Variants in SLC4A9 observed in about 807,000 individuals in gnomAD.
The protein encoded by SLC4A9 is anion exchange protein 4.
Under a neutral mutation model 103.2 loss-of-function variants are expected in SLC4A9, and 102 were observed. The observed-to-expected ratio is 0.99, with a 90% CI of 0.84 to 1.17. SLC4A9 has a LOEUF of 1.17. SLC4A9 is among the 50% of genes most tolerant of loss of function. The pLI is 0.00. For synonymous variants in SLC4A9, 453 were observed against 483.6 expected (o/e 0.94, Z 0.83); for missense variants, 1,091 against 1,193.7 (o/e 0.91, Z 1.27).
chr5:140,360,544 CT>C, intron 1 of SLC4A9, 78 bp downstream of exon 1: 1 of 1,340,230 alleles, frequency 7.5e-7, no homozygotes, highest in Non-Finnish European at 1.0e-6. Flanking sequence ...CCCAGCGCTT[CT>C]TATGGGGCTG....
chr5:140,368,728 G>C (rs1398164930), intron 17 of SLC4A9, 69 bp downstream of exon 17: 1 of 1,344,090 alleles, frequency 7.4e-7, no homozygotes, highest in Admixed American at 1.9e-5. Context: ...AGAACTGACA[G>C]TAGTTGAATA....
chr5:140,365,088 G>A (rs1318478045), intron 11 of SLC4A9, among the ~76,000 whole-genome samples: 1 of 152,196 alleles, frequency 6.6e-6, no homozygotes, highest in African/African-American at 2.4e-5. Context: ...GGTGAGAGTG[G>A]CCGGCCAGGT....
chr5:140,366,122 G>A (rs1767848350), intron 13 of SLC4A9, 29 bp from the exon 14 acceptor site: 12 of 1,610,384 alleles, frequency 7.5e-6, no homozygotes, highest in Non-Finnish European at 9.3e-6. Flanking sequence ...GGCAGGCCTG[G>A]ACCTGACTGA....
rs1446173667 is a variant in SLC4A9, at chr5:140,364,372, C to A, written c.1398C>A (p.Ser466Arg). 6.2e-7 allele frequency: 1 copy of A among 1,612,756 alleles called. No homozygotes were observed. The highest frequency in any genetic ancestry group is 1.3e-5 in the African/African-American group (1 of 75,006). Residue 466 changes from serine (S) to arginine (R), a missense_variant, in exon 11 of 22, where the codon AGC (serine) becomes AGA (arginine). Ser to Arg is a moderately radical substitution (Grantham distance 110). Transcript: ENST00000506757. ...RLLFSFSRDY[S>R]LDYLPFRLWV... ...TCTCTCATCCCCACAGAGATTACAG[C>A]CTGGACTACCTGCCCTTCCGCCTAT...
At position 140,361,287 on chromosome 5, in the gene SLC4A9, A is replaced by C; in HGVS notation, c.425A>C (p.Glu142Ala). The C allele has an allele frequency of 6.4e-7, 1 of 1,571,772 alleles. No homozygotes were observed. Among genetic ancestry groups the C allele is most frequent in the Non-Finnish European group, 8.6e-7 (1 of 1,158,368 alleles). ...ACCAGGGTGGAGTCGCTGAGCCCAG[A>C]GCTGAGAGGGCAGTTGCAGGCCTTG... ...QVTRVESLSP[E>A]LRGQLQALLL... The change falls in exon 3 of 22, where the codon GAG (glutamate) becomes GCG (alanine). Residue 142 changes from glutamate (E) to alanine (A), a missense_variant. Glu to Ala is a moderately radical substitution (Grantham distance 107, BLOSUM62 -1). Transcript: ENST00000506757.
chr5:140,364,525 C>G lies in SLC4A9; in HGVS notation c.1551C>G (p.Tyr517Ter), dbSNP rs371990487. 1.9e-6 allele frequency: 3 copies of G among 1,610,536 alleles called. No individual in the cohort carries two copies. The South Asian group carries it at 3.3e-5, about 18-fold the overall frequency. The change falls in exon 11 of 22, where the codon TAC becomes TAG. Residue 517 changes from tyrosine (Y) to a stop codon, truncating the protein, a stop_gained. Transcript: ENST00000506757. LOFTEE classifies it high-confidence loss of function. Reference protein sequence around the residue: ...FCALISLIFIYDAVGKMLNLT... With the variant: ...FCALISLIFI ...CCCTCATCAGCCTCATCTTCATCTA[C>G]GATGCTGTGGGCAAAATGCTGAACT...
At chr5:140,369,805 C>T (rs1236685646) in intron 17 of SLC4A9, among the ~76,000 whole-genome samples, 2 of 151,744 alleles carry the variant, frequency 1.3e-5, no homozygotes, top group African/African-American at 4.8e-5. Flanking sequence ...AGTTTGAGAC[C>T]AGCCTGTGCA....
chr5:140,363,756 C>T lies in SLC4A9; in HGVS notation c.1108C>T (p.Arg370Cys), dbSNP rs370567197. ...RLFGGLIQDV[R>C]RKVPWYPSDF... ...GTTTGGGGGCCTTATCCAGGACGTG[C>T]GCAGGAAGGTCCCGTGGTACCCCAG... The change falls in exon 9 of 22, where the codon CGC (arginine) becomes TGC (cysteine). Residue 370 changes from arginine (R) to cysteine (C), a missense_variant. Arg to Cys is a radical substitution (Grantham distance 180). Coordinates refer to ENST00000506757, the MANE Select transcript of SLC4A9 (RefSeq NM_031467.3). This position sits in a 1 kb window ranked among gnomAD's most constrained non-coding sequence, Gnocchi z 4.5. The T allele has an allele frequency of 3.0e-5, 48 of 1,613,778 alleles. No homozygotes were observed. In the African/African-American group the frequency reaches 4.9e-4, roughly 17 times the overall value.
intron 20 of SLC4A9, 139 bp downstream of exon 20, chr5:140,372,536 C>T: frequency 6.8e-7 from 1 of 1,470,402 alleles, no homozygotes. Context: ...TGTGTATGGA[C>T]ATAGGCAGAC....
rs1248001701 is a variant in SLC4A9 at position 140,375,052 on chromosome 5, T to G, written c.*271T>G. 1 of 152,144 alleles carries G rather than the reference T, an allele frequency of 6.6e-6. No homozygotes were observed. Among genetic ancestry groups the G allele is most frequent in the Non-Finnish European group, 1.5e-5 (1 of 68,048 alleles). The allele number at this position is 152,144 out of a possible 1,614,324, so 9.4% of individuals were successfully genotyped here. A position where few individuals can be genotyped will look rare whatever the true frequency, so the allele number is the denominator to read the frequency against. On this transcript the variant is annotated 3_prime_UTR_variant, in exon 22 of 22. Coordinates refer to ENST00000506757, the MANE Select transcript of SLC4A9 (RefSeq NM_031467.3). ...ACTTTCTGTCCTCACAGATTCTGTTTGACAGAATCTAAGGGCCATCAGGGA... is the reference window on the plus strand; with the variant it reads ...ACTTTCTGTCCTCACAGATTCTGTTGGACAGAATCTAAGGGCCATCAGGGA...
intron 21 of SLC4A9, 104 bp downstream of exon 21, chr5:140,372,947 A>C (rs1321234895): frequency 1.9e-5 from 12 of 631,642 alleles, no homozygotes; most frequent in Non-Finnish European, 2.9e-5. Context: ...TCCTTACTCC[A>C]GTCCCTTAGG....
At position 140,364,052 on chromosome 5, in the gene SLC4A9, A is replaced by G; in HGVS notation, c.1255-2A>G. 6.5e-7 allele frequency: 1 copy of G among 1,533,556 alleles called. No homozygotes were observed. The highest frequency in any genetic ancestry group is 2.2e-5 in the Admixed American group (1 of 46,208). 95.0% of individuals were successfully genotyped at this position (1,533,556 alleles called of 1,614,324 possible). On this transcript the variant is annotated splice_acceptor_variant, in intron 9 of 21. Coordinates refer to ENST00000506757, the MANE Select transcript of SLC4A9 (RefSeq NM_031467.3). LOFTEE classifies it high-confidence loss of function. ...CTGTGCTGAGCCCCTGTTGGCTTCC[A>G]GGGAGTGCTGGAAAGTTTCCTGGGC...
intron 17 of SLC4A9, among the ~76,000 whole-genome samples, chr5:140,370,478 CAAAAACAA>C (rs1768547698): frequency 6.8e-6 from 1 of 146,978 alleles, no homozygotes; most frequent in Non-Finnish European, 1.5e-5. Context: ...AAAAAAAAAA[CAAAAACAA>C]AAAAACAAAT....
In SLC4A9 at chr5:140,371,698, C is replaced by T. The variant is rs1768753400; in HGVS notation, c.2670+74C>T. 2.0e-6 allele frequency: 3 copies of T among 1,523,720 alleles called. No individual in the cohort carries two copies. The South Asian group carries it at 3.5e-5, about 18-fold the overall frequency. The allele number at this position is 1,523,720 out of a possible 1,614,324, so 94.4% of individuals were successfully genotyped here. On this transcript the variant is annotated intron_variant, in intron 19 of 21. Transcript: ENST00000506757. ...CTGAGCCTGGAAGGGTGGCCAAGGC[C>T]TCCACGAGAGGAAGAATCTCCCCTC...
chr5:140,371,088 C>G lies in SLC4A9; in HGVS notation c.2428-7C>G. Reference sequence around the variant, plus strand: ...AACTTTGATAACTCTCTGCTTCTTTCTACCAGTTCATTCCAATGCCTGTGC... The same window carrying G: ...AACTTTGATAACTCTCTGCTTCTTTGTACCAGTTCATTCCAATGCCTGTGC... On this transcript the variant is annotated splice_region_variant and splice_polypyrimidine_tract_variant and intron_variant, in intron 17 of 21. Coordinates refer to ENST00000506757, the MANE Select transcript of SLC4A9 (RefSeq NM_031467.3). 2.5e-6 allele frequency: 4 copies of G among 1,608,788 alleles called. No individual in the cohort carries two copies. Among genetic ancestry groups the G allele is most frequent in the Non-Finnish European group, 3.4e-6 (4 of 1,177,538 alleles).
In SLC4A9 at chr5:140,363,040, CA is replaced by C; in HGVS notation, c.939del (p.Lys313AsnfsTer25). ...WDPTARIPPP[K>X]CLPSQHKRLP... is the part of the protein sequence containing the mutation. The stretch of plus-strand genomic sequence containing the variant: ...ACCCAACAGCCCGGATTCCCCCGCC[CA>C]AATGTCTGCCATCTCAGCACAAAAG... On this transcript the variant is annotated frameshift_variant, in exon 7 of 22. Coordinates refer to ENST00000506757, the MANE Select transcript of SLC4A9 (RefSeq NM_031467.3). LOFTEE classifies it high-confidence loss of function. The surrounding 1 kb of genome is among the most constrained non-coding windows in gnomAD (Gnocchi z 4.5). The C allele has an allele frequency of 6.2e-7, 1 of 1,613,266 alleles. No individual in the cohort carries two copies. Among genetic ancestry groups the C allele is most frequent in the African/African-American group, 1.3e-5 (1 of 74,982 alleles).
chr5:140,361,523 G>A (rs1044176670), intron 3 of SLC4A9, among the ~76,000 whole-genome samples, 156 bp downstream of exon 3: 1 of 152,242 alleles, frequency 6.6e-6, no homozygotes, highest in Non-Finnish European at 1.5e-5. Flanking sequence ...GTTGTGGGGA[G>A]AAGATTCAGG....
intron 17 of SLC4A9, chr5:140,370,879 T>C: frequency 1.8e-6 from 1 of 545,900 alleles, no homozygotes; most frequent in Non-Finnish European, 3.3e-6. Context: ...TGAAATTCAA[T>C]TTCCCAATCT....
intron 20 of SLC4A9, 60 bp downstream of exon 20, chr5:140,372,457 T>C: frequency 6.3e-7 from 1 of 1,581,342 alleles, no homozygotes; most frequent in Admixed American, 2.1e-5. Context: ...AGCGTTCTTG[T>C]CCAGGAGCTG....
Sources: gnomAD v4.1 joint callset for allele counts (sites outside exome capture counted in the v4.1 genomes callset) on GRCh38, gnomAD v4.1.1 for gene constraint, Gnocchi (gnomAD v3.1) non-coding constraint, MANE v1.5 for transcripts, NCBI Gene and HGNC (gene_info 2026-07-23, HGNC 2026-07-21) for gene names.